TTN: variants seen among roughly 807,000 people sequenced by gnomAD.
TTN encodes the protein connectin.
Under a neutral mutation model 3,223.0 loss-of-function variants are expected in TTN, and 1,525 were observed. That is an observed-to-expected ratio of 0.47 (90% confidence interval 0.45 to 0.49). The LOEUF (loss-of-function observed/expected upper bound fraction) is 0.49, where lower values mean the gene tolerates loss of function less well. TTN is among the 20% of genes least tolerant of loss of function. The pLI is 0.00. For missense variants in TTN, 40,786 were observed against 43,424.0 expected (o/e 0.94, Z 5.40); for synonymous variants, 14,094 against 15,161.0 (o/e 0.93, Z 5.17).
intron 321 of TTN, 117 bp from the exon 322 acceptor site, chr2:178,578,302 A>G (rs1231269973): frequency 1.1e-5 from 11 of 958,610 alleles, no homozygotes; most frequent in African/African-American, 1.7e-5. Context: ...CATTCTTGCT[A>G]GTATCTATAC....
In TTN at chr2:178,593,995, G is replaced by A; in HGVS notation, c.58398C>T (p.Gly19466=). ...KYCVVVENST[G]SRKGFCQVNV... is the part of the protein sequence containing the mutation. Reference sequence around the variant, plus strand: ...TAACTTGACAGAAACCTTTCCTAGAGCCTGTACTGTTCTCCACAACCACAC... The same window carrying A: ...TAACTTGACAGAAACCTTTCCTAGAACCTGTACTGTTCTCCACAACCACAC... The change falls in exon 297 of 363, where the codon GGC becomes GGT. Residue 19466 remains glycine, a synonymous_variant. Coordinates refer to ENST00000589042, the MANE Select transcript of TTN (RefSeq NM_001267550.2). 1 of 1,613,544 alleles carries A rather than the reference G, an allele frequency of 6.2e-7. No homozygotes were observed. Among genetic ancestry groups the A allele is most frequent in the Non-Finnish European group, 8.5e-7 (1 of 1,179,660 alleles).
At chr2:178,554,421 C>G (rs780255605) in intron 332 of TTN, 32 bp downstream of exon 332, 7 of 1,596,090 alleles carry the variant, frequency 4.4e-6, no homozygotes, top group Non-Finnish European at 5.1e-6. Flanking sequence ...AAATTTTTCA[C>G]GTTTCAGTTT....
intron 40 of TTN, 23 bp downstream of exon 40, chr2:178,767,736 A>G: frequency 6.2e-7 from 1 of 1,612,990 alleles, no homozygotes; most frequent in Non-Finnish European, 8.5e-7. Flanking sequence ...GATTTTTCAA[A>G]ACATTTAGTA....
chr2:178,552,140 C>T lies in TTN; in HGVS notation c.90760G>A (p.Gly30254Arg), dbSNP rs1060500495. The change falls in exon 335 of 363, where the codon GGA becomes AGA. Residue 30254 changes from glycine to arginine, a missense_variant. Transcript: ENST00000589042. ...ATGCTGTAACAAGTAATTTCTCCTC[C>T]TCCATTATCTTCAGGTACATCCCAT... ...LSWDVPEDNG[G>R]GEITCYSIEK... 6.2e-7 allele frequency: 1 copy of T among 1,613,664 alleles called. No homozygotes were observed. The highest frequency in any genetic ancestry group is 8.5e-7 in the Non-Finnish European group (1 of 1,179,810).
Position 178,665,443 on chromosome 2 carries a change from C to G in TTN, c.35977G>C (p.Glu11993Gln). 7 of 1,612,342 alleles carry G rather than the reference C, an allele frequency of 4.3e-6. No individual in the cohort carries two copies. The highest frequency in any genetic ancestry group is 1.1e-5 in the South Asian group (1 of 91,066). ...PPTKAPEAMK[E>Q]VVPEMKIFED... Reference sequence around the variant, plus strand: ...AATATTTTCATTTCAGGGACAACTTCTTTCATAGCTTCTGGTGCTTTGAAG... The same window carrying G: ...AATATTTTCATTTCAGGGACAACTTGTTTCATAGCTTCTGGTGCTTTGAAG... The change falls in exon 165 of 363, where the codon GAA (glutamate) becomes CAA (glutamine). Residue 11993 changes from glutamate (E) to glutamine (Q), a missense_variant. Glu to Gln is a conservative substitution (Grantham distance 29). Coordinates refer to ENST00000589042, the MANE Select transcript of TTN (RefSeq NM_001267550.2).
intron 312 of TTN, 151 bp downstream of exon 312, chr2:178,583,456 G>T: frequency 2.1e-6 from 2 of 934,344 alleles, no homozygotes; most frequent in Non-Finnish European, 3.0e-6. Context: ...ATGTTATTAT[G>T]ATTCTCCATA....
chr2:178,601,205 G>A (rs1413378373), intron 287 of TTN, 34 bp from the exon 288 acceptor site: 6 of 1,519,376 alleles, frequency 3.9e-6, no homozygotes, highest in Admixed American at 2.3e-5. Context: ...ATTAAGCGTT[G>A]TTTATAATAA....
In TTN at chr2:178,533,674, C is replaced by G; in HGVS notation, c.102941G>C (p.Gly34314Ala). The change falls in exon 358 of 363, where the codon GGT becomes GCT. Residue 34314 changes from glycine (G) to alanine (A), a missense_variant. Gly to Ala is a moderately conservative substitution (Grantham distance 60, BLOSUM62 0). Transcript: ENST00000589042. ...DKKYTFESDKGLYQLTINSVT... is the reference protein window; with the variant it reads ...DKKYTFESDKALYQLTINSVT... ...ACTGTTGATTGTTAATTGGTAAAGA[C>G]CCTTGTCTGACTCAAATGTGTACTT... The G allele has an allele frequency of 6.2e-7, 1 of 1,613,860 alleles. No individual in the cohort carries two copies. The highest frequency in any genetic ancestry group is 2.2e-5 in the East Asian group (1 of 44,884).
rs2063343794 is a variant in TTN, at chr2:178,652,931, A to C, written c.38876T>G (p.Val12959Gly). 1 of 1,604,882 alleles carries C rather than the reference A, an allele frequency of 6.2e-7. No homozygotes were observed. Among genetic ancestry groups the C allele is most frequent in the Non-Finnish European group, 8.5e-7 (1 of 1,177,328 alleles). Residue 12959 changes from valine (V) to glycine (G), a missense_variant and splice_region_variant, in exon 200 of 363, where the codon GTG becomes GGG. Val to Gly is a moderately radical substitution (Grantham distance 109). Coordinates refer to ENST00000589042, the MANE Select transcript of TTN (RefSeq NM_001267550.2). ...PKKPEVPPVK[V>G]PEAPIEVVPE... ...AACAACCTCTATGGGAGCCTCTGGCACTTAAAAGATATTAGTGAAATTACA... is the reference window on the plus strand; with the variant it reads ...AACAACCTCTATGGGAGCCTCTGGCCCTTAAAAGATATTAGTGAAATTACA...
chr2:178,619,530 C>T (rs2057952387), intron 250 of TTN, 91 bp downstream of exon 250: 1 of 1,499,296 alleles, frequency 6.7e-7, no homozygotes. Flanking sequence ...AAATGAAAGA[C>T]CCTCACAAGG....
rs371060708 is a variant in TTN, at chr2:178,591,679, C to T, written c.60140G>A (p.Arg20047Lys). ...VTGLQQGKTY[R>K]FRVKAENIVG... ...AATGTTTTCAGCTTTTACACGGAATCTATAGGTCTTTCCTTGTTGTAGTCC... is the reference window on the plus strand; with the variant it reads ...AATGTTTTCAGCTTTTACACGGAATTTATAGGTCTTTCCTTGTTGTAGTCC... The change falls in exon 303 of 363, where the codon AGA becomes AAA. Residue 20047 changes from arginine (R) to lysine (K), a missense_variant. Transcript: ENST00000589042. The T allele has an allele frequency of 8.2e-5, 133 of 1,613,314 alleles. No individual in the cohort carries two copies. The highest frequency in any genetic ancestry group is 1.1e-4 in the Non-Finnish European group (131 of 1,179,564).
chr2:178,724,368 A>C lies in TTN; in HGVS notation c.21007T>G (p.Ser7003Ala). Residue 7003 changes from serine (S) to alanine (A), a missense_variant, in exon 72 of 363, where the codon TCT (serine) becomes GCT (alanine). Transcript: ENST00000589042. ...TCAACTGAGAGAATCCTTAAGGAAG[A>C]GATTTTGTTGTAGAAGCTAAATTTG... is the stretch of plus-strand genomic sequence containing the variant. Reference protein sequence around the residue: ...KHKFSFYNKISSLRILSVERQ... With the variant: ...KHKFSFYNKIASLRILSVERQ... The C allele has an allele frequency of 1.2e-6, 2 of 1,613,556 alleles. No homozygotes were observed. Among genetic ancestry groups the C allele is most frequent in the Non-Finnish European group, 1.7e-6 (2 of 1,179,632 alleles).
At chr2:178,733,173 G>T (rs886668156) in intron 54 of TTN, 52 bp from the exon 55 acceptor site, 33 of 1,557,070 alleles carry the variant, frequency 2.1e-5, no homozygotes, top group Non-Finnish European at 2.7e-5. Flanking sequence ...AGTGCTCAGT[G>T]ATTGACTTTA....
In TTN at chr2:178,576,311, C is replaced by T. The variant is rs201043950; in HGVS notation, c.69821G>A (p.Gly23274Asp). 2,059 of 1,575,634 alleles carry T rather than the reference C, an allele frequency of 1.3e-3. 6 individuals are homozygous for T. Among genetic ancestry groups the T allele is most frequent in the Non-Finnish European group, 1.6e-3 (1,861 of 1,164,670 alleles). Residue 23274 changes from glycine to aspartate, a missense_variant, in exon 326 of 363, where the codon GGC (glycine) becomes GAC (aspartate). Physicochemically the swap from Gly to Asp is moderately conservative, Grantham distance 94. Transcript: ENST00000589042. This position sits in a 1 kb window ranked among gnomAD's most constrained non-coding sequence, Gnocchi z 4.3. The stretch of plus-strand genomic sequence containing the variant: ...TACTTTTTGATGCTCCACGACATAG[C>T]CAGTGATTTCAAGTCCACCATCATA... Reference protein sequence around the residue: ...PHYDGGLEITGYVVEHQKVGD... With the variant: ...PHYDGGLEITDYVVEHQKVGD...
At chr2:178,753,607 C>G (rs2086166731) in intron 46 of TTN, 1 of 162,688 alleles carries the variant, frequency 6.1e-6, no homozygotes, top group Admixed American at 6.2e-5. Flanking sequence ...TGCTAGTAAA[C>G]ACTCCTTTGA....
Position 178,719,457 on chromosome 2 carries a change from TG to T in TTN, c.23939-7del, listed in dbSNP as rs796323548. ...GGAAGGAGGCACAATCCGATCTATG[TG>T]GGGAAGGGTAGTTTTGCGTTTAAAG... On this transcript the variant is annotated splice_polypyrimidine_tract_variant and splice_region_variant and intron_variant, in intron 82 of 362. Transcript: ENST00000589042. 1.9e-5 allele frequency: 30 copies of T among 1,606,844 alleles called. No individual in the cohort carries two copies. The highest frequency in any genetic ancestry group is 2.6e-5 in the Non-Finnish European group (30 of 1,175,422).
chr2:178,779,456 G>A lies in TTN; in HGVS notation c.3736C>T (p.His1246Tyr). 1 of 1,515,236 alleles carries A rather than the reference G, an allele frequency of 6.6e-7. No individual in the cohort carries two copies. The highest frequency in any genetic ancestry group is 2.3e-5 in the East Asian group (1 of 43,814). 93.9% of individuals were successfully genotyped at this position (1,515,236 alleles called of 1,614,324 possible). The change falls in exon 23 of 363, where the codon CAT becomes TAT. Residue 1246 changes from histidine (H) to tyrosine (Y), a missense_variant. By Grantham distance (83) the His-to-Tyr change is moderately conservative. Coordinates refer to ENST00000589042, the MANE Select transcript of TTN (RefSeq NM_001267550.2). ...AGTCTCTCTTCAAAGGAAGAAATAT[G>A]GAATTCCTATGCAAAAAGATTATGG... ...VRTYVEDQEFHISSFEERLIK... is the reference protein window; with the variant it reads ...VRTYVEDQEFYISSFEERLIK...
chr2:178,681,574 C>G (rs1453225174), intron 136 of TTN, 87 bp downstream of exon 136: 1 of 1,469,100 alleles, frequency 6.8e-7, no homozygotes, highest in African/African-American at 1.4e-5. Context: ...AATTTGTACA[C>G]TGCCACTTTT....
In TTN at chr2:178,729,364, T is replaced by C; in HGVS notation, c.18792A>G (p.Ser6264=). The C allele has an allele frequency of 6.2e-7, 1 of 1,613,634 alleles. No homozygotes were observed. The highest frequency in any genetic ancestry group is 8.5e-7 in the Non-Finnish European group (1 of 1,179,658). The change falls in exon 64 of 363, where the codon TCA becomes TCG. Residue 6264 remains serine (S), a synonymous_variant. Coordinates refer to ENST00000589042, the MANE Select transcript of TTN (RefSeq NM_001267550.2). Reference sequence around the variant, plus strand: ...CAATGCACTGGTATTCCCCAGTGTCTGAAGGGTCACACTTGGTTATATGGA... The same window carrying C: ...CAATGCACTGGTATTCCCCAGTGTCCGAAGGGTCACACTTGGTTATATGGA... ...FNLHITKCDP[S]DTGEYQCIVS... is the part of the protein sequence containing the mutation.
Sources: allele counts gnomAD v4.1 joint callset, GRCh38; gene constraint gnomAD v4.1.1; non-coding constraint Gnocchi (gnomAD v3.1); transcripts MANE v1.5; gene names NCBI Gene and HGNC (gene_info 2026-07-23, HGNC 2026-07-21).